The following HTR3B variants were observed in gnomAD, a reference collection of about 807,000 sequenced individuals.
HTR3B encodes 5-hydroxytryptamine (serotonin) receptor 3B, ionotropic.
A neutral mutation model predicts 42.8 loss-of-function variants in HTR3B; 44 were observed. The observed-to-expected ratio is 1.03, with a 90% CI of 0.81 to 1.32. The LOEUF (loss-of-function observed/expected upper bound fraction) is 1.32. Ranked by LOEUF, HTR3B falls within the 40% of genes most tolerant of loss-of-function variation. The pLI is 0.00. For synonymous variants in HTR3B, 203 were observed against 209.0 expected (o/e 0.97, Z 0.25); for missense variants, 527 against 536.5 (o/e 0.98, Z 0.17).
In HTR3B at chr11:113,948,059, A is replaced by G. The variant is rs376933868; in HGVS notation, c.*1922A>G. 6.6e-6 allele frequency among the ~76,000 whole-genome samples: 1 copy of G among 151,956 alleles called. No individual in the cohort carries two copies. Among genetic ancestry groups the G allele is most frequent in the East Asian group, 1.9e-4 (1 of 5,188 alleles). ...TTCCCTCTCTCATTACCTCCCAGTT[A>G]GTGCTCAGCGCCAATTGTCCATGAA... is the stretch of plus-strand genomic sequence containing the variant. On this transcript the variant is annotated 3_prime_UTR_variant, in exon 9 of 9. Coordinates refer to ENST00000260191, the MANE Select transcript of HTR3B (RefSeq NM_006028.5).
chr11:113,902,522 C>T (rs1239380884), upstream of HTR3B, among the ~76,000 whole-genome samples: 1 of 152,154 alleles, frequency 6.6e-6, no homozygotes, highest in Non-Finnish European at 1.5e-5. Context: ...GCCTTGAACT[C>T]CTGATCTCAG....
rs1245203138 is a variant in HTR3B at position 113,939,989 on chromosome 11, C to T, written c.697-2993C>T. 4.6e-5 allele frequency among the ~76,000 whole-genome samples: 7 copies of T among 151,288 alleles called. No homozygotes were observed. The East Asian group carries it at 5.9e-4, about 13-fold the overall frequency. ...GCAACCTCTGCCTCTTGAGTTCAAG[C>T]GATTCTCCTGCCTCAGCCTCCCGAG... On this transcript the variant is annotated intron_variant, in intron 6 of 8. Coordinates refer to ENST00000260191, the MANE Select transcript of HTR3B (RefSeq NM_006028.5).
In HTR3B at chr11:113,909,462, A is replaced by G. The variant is rs930758806; in HGVS notation, c.213+7A>G. On this transcript the variant is annotated splice_region_variant and intron_variant, in intron 2 of 8. Coordinates refer to ENST00000260191, the MANE Select transcript of HTR3B (RefSeq NM_006028.5). Reference sequence around the variant, plus strand: ...CCATGCTATATTGGATGTGGTAAGGACCATCTTGCCCCTTCCTATTCTTGT... The same window carrying G: ...CCATGCTATATTGGATGTGGTAAGGGCCATCTTGCCCCTTCCTATTCTTGT... The G allele has an allele frequency of 1.9e-6, 3 of 1,612,294 alleles. No individual in the cohort carries two copies. Among genetic ancestry groups the G allele is most frequent in the Middle Eastern group, 1.6e-4 (1 of 6,074 alleles).
intron 6 of HTR3B, among the ~76,000 whole-genome samples, chr11:113,937,416 C>A (rs1950100219): frequency 6.6e-6 from 1 of 152,164 alleles, no homozygotes; most frequent in African/African-American, 2.4e-5. Context: ...ACACTTAGGA[C>A]ATAAAGATGA....
chr11:113,903,798 A>C (rs1427900339), upstream of HTR3B, among the ~76,000 whole-genome samples: 2 of 152,172 alleles, frequency 1.3e-5, no homozygotes, highest in Non-Finnish European at 2.9e-5. Context: ...CTCCAAAACC[A>C]AGTCAACACC....
In HTR3B at chr11:113,947,792, G is replaced by A. The variant is rs1225527767; in HGVS notation, c.*1655G>A. Among the ~76,000 whole-genome samples, 1 of 152,146 alleles carries A rather than the reference G, an allele frequency of 6.6e-6. No individual in the cohort carries two copies. Among genetic ancestry groups the A allele is most frequent in the African/African-American group, 2.4e-5 (1 of 41,400 alleles). On this transcript the variant is annotated 3_prime_UTR_variant, in exon 9 of 9. Transcript: ENST00000260191. The stretch of plus-strand genomic sequence containing the variant: ...TTTTGGGGAGTGGGCAGCAGACAAA[G>A]GGGACATATTTCAGCCCATAACACT...
chr11:113,931,772 A>G lies in HTR3B; in HGVS notation c.273A>G (p.Glu91=). 6.2e-7 allele frequency: 1 copy of G among 1,609,706 alleles called. No individual in the cohort carries two copies. Among genetic ancestry groups the G allele is most frequent in the South Asian group, 1.1e-5 (1 of 91,020 alleles). ...ACTACTAACAGGTCTGGAATGATGA[A>G]TTTTTATCCTGGAACTCCAGCATGT... The part of the protein sequence containing the change: ...SVWYQEVWND[E]FLSWNSSMFD... Residue 91 remains glutamate, a synonymous_variant, in exon 4 of 9, where the codon GAA becomes GAG. Coordinates refer to ENST00000260191, the MANE Select transcript of HTR3B (RefSeq NM_006028.5).
At chr11:113,924,358 G>A (rs1448047024) in intron 2 of HTR3B, among the ~76,000 whole-genome samples, 1 of 152,060 alleles carries the variant, frequency 6.6e-6, no homozygotes, top group Non-Finnish European at 1.5e-5. Context: ...GCTCACACCT[G>A]TAATCCTAGC....
chr11:113,930,547 G>C (rs1219873044), intron 2 of HTR3B, among the ~76,000 whole-genome samples: 1 of 142,134 alleles, frequency 7.0e-6, no homozygotes, highest in Non-Finnish European at 1.5e-5. Flanking sequence ...GGAGTGCAGT[G>C]GCACAAACAT....
Position 113,932,454 on chromosome 11 carries a change from T to A in HTR3B, c.534T>A (p.His178Gln). ...NCSLTFKSIL[H>Q]TVEDVDLAFL... ...GCCTGACCTTCAAGAGCATTCTGCA[T>A]ACAGGTAAACCATGAGAGATACCCA... Residue 178 changes from histidine to glutamine, a missense_variant, in exon 5 of 9, where the codon CAT (histidine) becomes CAA (glutamine). Physicochemically the swap from His to Gln is conservative, Grantham distance 24 (BLOSUM62 0). Coordinates refer to ENST00000260191, the MANE Select transcript of HTR3B (RefSeq NM_006028.5). 1 of 1,612,918 alleles carries A rather than the reference T, an allele frequency of 6.2e-7. No individual in the cohort carries two copies. Among genetic ancestry groups the A allele is most frequent in the Non-Finnish European group, 8.5e-7 (1 of 1,179,042 alleles).
At chr11:113,927,367 AT>A (rs1327988680) in intron 2 of HTR3B, among the ~76,000 whole-genome samples, 5 of 152,218 alleles carry the variant, frequency 3.3e-5, no homozygotes, top group African/African-American at 9.6e-5. Context: ...ACTTAAAAAA[AT>A]ACTAATGTTT....
At chr11:113,929,021 G>A (rs1950005057) in intron 2 of HTR3B, among the ~76,000 whole-genome samples, 1 of 152,108 alleles carries the variant, frequency 6.6e-6, no homozygotes, top group African/African-American at 2.4e-5. Flanking sequence ...GTTCTCTTGG[G>A]TGTGTACTCA....
chr11:113,943,635 C>T lies in HTR3B; in HGVS notation c.907+443C>T, dbSNP rs148790764. Reference sequence around the variant, plus strand: ...CAGGCATGAGCCCACTGTGCCTGGCCGCTTTGTTTGTTTTTATCCCCAATT... The same window carrying T: ...CAGGCATGAGCCCACTGTGCCTGGCTGCTTTGTTTGTTTTTATCCCCAATT... On this transcript the variant is annotated intron_variant, in intron 7 of 8. Transcript: ENST00000260191. 2.3e-3 allele frequency among the ~76,000 whole-genome samples: 346 copies of T among 151,964 alleles called. 2 individuals are homozygous for T. The highest frequency in any genetic ancestry group is 7.5e-3 in the African/African-American group (311 of 41,460).
At chr11:113,941,007 A>G (rs1950130729) in intron 6 of HTR3B, among the ~76,000 whole-genome samples, 1 of 152,086 alleles carries the variant, frequency 6.6e-6, no homozygotes, top group Non-Finnish European at 1.5e-5. Context: ...TACTCAACTT[A>G]CTCACTTAAG....
In HTR3B at chr11:113,947,078, C is replaced by T. The variant is rs1294606569; in HGVS notation, c.*941C>T. Among the ~76,000 whole-genome samples the T allele has an allele frequency of 6.6e-6, 1 of 152,082 alleles. No individual in the cohort carries two copies. The highest frequency in any genetic ancestry group is 1.5e-5 in the Non-Finnish European group (1 of 68,016). On this transcript the variant is annotated 3_prime_UTR_variant, in exon 9 of 9. Transcript: ENST00000260191. ...TCCTGTGCCCCTTCAGCAGTGCATCCCCACTGGAGAGAACCCAGGTGCCAA... is the reference window on the plus strand; with the variant it reads ...TCCTGTGCCCCTTCAGCAGTGCATCTCCACTGGAGAGAACCCAGGTGCCAA...
intron 2 of HTR3B, among the ~76,000 whole-genome samples, chr11:113,921,045 G>A (rs61907890): frequency 0.029 from 4,265 of 148,030 alleles, 101 homozygotes; most frequent in Admixed American, 0.059. Flanking sequence ...ACTCCAGACC[G>A]CAAGTGATCC....
intron 6 of HTR3B, among the ~76,000 whole-genome samples, chr11:113,933,599 G>C (rs1238162403): frequency 6.6e-6 from 1 of 152,018 alleles, no homozygotes; most frequent in Non-Finnish European, 1.5e-5. Flanking sequence ...AGAGACCACT[G>C]GTAGCTTCTG....
chr11:113,940,972 G>A (rs1176763), intron 6 of HTR3B, among the ~76,000 whole-genome samples: 6,121 of 152,260 alleles, frequency 0.04, 378 homozygotes, highest in African/African-American at 0.14. Flanking sequence ...CGGAAGATGT[G>A]GGGGCACATC....
At chr11:113,918,035 T>C (rs1445915200) in intron 2 of HTR3B, among the ~76,000 whole-genome samples, 2 of 152,182 alleles carry the variant, frequency 1.3e-5, no homozygotes, top group African/African-American at 2.4e-5. Context: ...TCCTTTTATT[T>C]CCAACCTATT....
Sources: allele counts gnomAD v4.1 joint callset (sites outside exome capture counted in the v4.1 genomes callset), GRCh38; gene constraint gnomAD v4.1.1; transcripts MANE v1.5; gene names NCBI Gene and HGNC (gene_info 2026-07-23, HGNC 2026-07-21).